The following GNB1 variants were observed in gnomAD, a reference collection of about 807,000 sequenced individuals.
GNB1 encodes guanine nucleotide-binding protein G(I)/G(S)/G(T) subunit beta-1.
A neutral mutation model predicts 42.9 loss-of-function variants in GNB1; 2 were observed. That is an observed-to-expected ratio of 0.05 (90% CI 0.02 to 0.15). GNB1 has a LOEUF of 0.15. Among genes scored for constraint, GNB1 ranks in the 10% least tolerant of loss-of-function variants. The probability of loss-of-function intolerance (pLI) is 1.00; values close to 1 mark genes in which losing one functional copy is unlikely to be tolerated. For missense variants in GNB1, 193 were observed against 462.2 expected (o/e 0.42, Z 5.34); for synonymous variants, 183 against 174.7 (o/e 1.05, Z -0.38).
At chr1:1,813,412 G>A (rs1294407463) in intron 5 of GNB1, among the ~76,000 whole-genome samples, 1 of 151,902 alleles carries the variant, frequency 6.6e-6, no homozygotes, top group Admixed American at 6.6e-5. Flanking sequence ...CATCCAGCCA[G>A]AACATTTTTT....
At chr1:1,878,605 C>T (rs1361511654) in intron 1 of GNB1, among the ~76,000 whole-genome samples, 1 of 152,176 alleles carries the variant, frequency 6.6e-6, no homozygotes, top group Non-Finnish European at 1.5e-5. Context: ...TTTTTCAGCA[C>T]ACAGCCTTTT....
intron 2 of GNB1, among the ~76,000 whole-genome samples, chr1:1,828,873 GTACACACACACATACACACA>G (rs1337122967): frequency 6.8e-6 from 1 of 147,114 alleles, no homozygotes; most frequent in Non-Finnish European, 1.5e-5. Flanking sequence ...AAAACGCTGT[GTACACACACACATACACACA>G]TACACACACA....
At chr1:1,807,744 G>A (rs575353674) in intron 5 of GNB1, among the ~76,000 whole-genome samples, 15 of 150,478 alleles carry the variant, frequency 1.0e-4, no homozygotes, top group African/African-American at 2.7e-4. Flanking sequence ...GTCTCGCTCC[G>A]TGGCCCAGGC....
chr1:1,860,535 G>C (rs1278390287), intron 1 of GNB1, among the ~76,000 whole-genome samples: 1 of 152,012 alleles, frequency 6.6e-6, no homozygotes, highest in Non-Finnish European at 1.5e-5. Context: ...TACCTGGGAG[G>C]CTGAGGCAGG....
chr1:1,849,940 T>C (rs566931517), intron 1 of GNB1, among the ~76,000 whole-genome samples: 1 of 152,262 alleles, frequency 6.6e-6, no homozygotes, highest in South Asian at 2.1e-4. Flanking sequence ...TCTGTATATT[T>C]GACAGTTTGC....
chr1:1,795,712 C>T (rs997685163), intron 7 of GNB1, among the ~76,000 whole-genome samples: 7 of 151,776 alleles, frequency 4.6e-5, no homozygotes, highest in African/African-American at 1.5e-4. Context: ...GAGTTCACAG[C>T]GGTGCACTCC....
chr1:1,851,979 A>G (rs922330890), intron 1 of GNB1, among the ~76,000 whole-genome samples: 1 of 151,584 alleles, frequency 6.6e-6, no homozygotes, highest in Non-Finnish European at 1.5e-5. Context: ...GGAGGCAGAG[A>G]TTGCGGTGAG....
chr1:1,816,878 C>A (rs181782996), intron 4 of GNB1, among the ~76,000 whole-genome samples: 10 of 152,132 alleles, frequency 6.6e-5, no homozygotes, highest in African/African-American at 2.2e-4. Context: ...GAACTCCTGA[C>A]CTCAAGTGAT....
chr1:1,815,687 C>G (rs1570659651), intron 5 of GNB1, 69 bp downstream of exon 5: 2 of 853,396 alleles, frequency 2.3e-6, no homozygotes, highest in East Asian at 5.0e-5. Context: ...GGTTCAGGTA[C>G]TTTTCCCCTA....
At chr1:1,812,492 A>T (rs1300477240) in intron 5 of GNB1, among the ~76,000 whole-genome samples, 1 of 152,124 alleles carries the variant, frequency 6.6e-6, no homozygotes, top group Non-Finnish European at 1.5e-5. Flanking sequence ...CCAGAAAAAA[A>T]CGGCTATTTA....
At position 1,790,643 on chromosome 1, in the gene GNB1, G is replaced by A; in HGVS notation, c.498-47C>T. On this transcript the variant is annotated intron_variant, in intron 8 of 11. Coordinates refer to ENST00000378609, the MANE Select transcript of GNB1 (RefSeq NM_002074.5). The surrounding 1 kb of genome is among the most constrained non-coding windows in gnomAD (Gnocchi z 5.4). ...AGGGGACATCAGCCTTAACTTCTTG[G>A]GTGGCTAGTCATGTGACAGACAATC... is the stretch of plus-strand genomic sequence containing the variant. 7.5e-7 allele frequency: 1 copy of A among 1,341,956 alleles called. No individual in the cohort carries two copies. Among genetic ancestry groups the A allele is most frequent in the Non-Finnish European group, 1.1e-6 (1 of 938,956 alleles). 83.1% of individuals were successfully genotyped at this position (1,341,956 alleles called of 1,614,324 possible). A position where few individuals can be genotyped will look rare whatever the true frequency, so the allele number is the denominator to read the frequency against.
intron 1 of GNB1, among the ~76,000 whole-genome samples, chr1:1,874,463 C>T (rs535128967): frequency 5.9e-5 from 9 of 151,790 alleles, no homozygotes; most frequent in Non-Finnish European, 1.0e-4. Context: ...CAGAGAAAGC[C>T]GGGCGTGGCG....
At position 1,808,628 on chromosome 1, in the gene GNB1, TTTTG is replaced by T. The variant is rs370619224; in HGVS notation, c.204-2094_204-2091del. 1.3e-3 allele frequency among the ~76,000 whole-genome samples: 193 copies of T among 144,808 alleles called. 1 individual carries two copies. Among genetic ancestry groups the T allele is most frequent in the African/African-American group, 4.4e-3 (172 of 38,676 alleles). The allele number at this position is 144,808 out of a possible 152,430, so 95.0% of individuals were successfully genotyped here. A position where few individuals can be genotyped will look rare whatever the true frequency, so the allele number is the denominator to read the frequency against. Reference sequence around the variant, plus strand: ...TAAAGTTTCTATCAAACGCAAGGTTTTTTGTTTGTTTGTTTTTGTTTGTTTGTTT... The same window carrying T: ...TAAAGTTTCTATCAAACGCAAGGTTTTTTGTTTGTTTTTGTTTGTTTGTTT... On this transcript the variant is annotated intron_variant, in intron 5 of 11. Coordinates refer to ENST00000378609, the MANE Select transcript of GNB1 (RefSeq NM_002074.5).
chr1:1,818,660 C>T (rs1454824798), intron 3 of GNB1, among the ~76,000 whole-genome samples: 2 of 152,044 alleles, frequency 1.3e-5, no homozygotes, highest in African/African-American at 2.4e-5. Context: ...GTCAGGAGTT[C>T]AAGACCAGCC....
At chr1:1,868,441 A>G (rs1221473231) in intron 1 of GNB1, among the ~76,000 whole-genome samples, 1 of 152,134 alleles carries the variant, frequency 6.6e-6, no homozygotes, top group Non-Finnish European at 1.5e-5. Context: ...AAGCGCTGGG[A>G]TTACAAGCAT....
At chr1:1,848,783 A>C (rs1352022546) in intron 1 of GNB1, among the ~76,000 whole-genome samples, 1 of 152,200 alleles carries the variant, frequency 6.6e-6, no homozygotes, top group Non-Finnish European at 1.5e-5. Context: ...TAGCACTCCT[A>C]ATCCCTGTGT....
rs115179165 is a variant in GNB1, at chr1:1,806,103, A to T, written c.267+372T>A. 5.8e-3 allele frequency among the ~76,000 whole-genome samples: 881 copies of T among 152,302 alleles called. 12 individuals are homozygous for T. The highest frequency in any genetic ancestry group is 0.02 in the African/African-American group (841 of 41,560). ...TTTAAAGTATGATGTCTTTCAGATG[A>T]TCTCTTCTAAAAACTTGTAACTGAA... On this transcript the variant is annotated intron_variant, in intron 6 of 11. Coordinates refer to ENST00000378609, the MANE Select transcript of GNB1 (RefSeq NM_002074.5).
At chr1:1,809,600 C>T (rs1179081853) in intron 5 of GNB1, among the ~76,000 whole-genome samples, 1 of 152,166 alleles carries the variant, frequency 6.6e-6, no homozygotes, top group African/African-American at 2.4e-5. Context: ...AGTATCAGAG[C>T]TGATCTAAAG....
intron 2 of GNB1, among the ~76,000 whole-genome samples, chr1:1,830,192 G>A (rs1287250471): frequency 6.6e-6 from 1 of 151,982 alleles, no homozygotes; most frequent in Non-Finnish European, 1.5e-5. Context: ...AGTTAACAGA[G>A]GCTAATCTGG....
Sources: allele counts gnomAD v4.1 joint callset (sites outside exome capture counted in the v4.1 genomes callset), GRCh38; gene constraint gnomAD v4.1.1; non-coding constraint Gnocchi (gnomAD v3.1); transcripts MANE v1.5; gene names NCBI Gene and HGNC (gene_info 2026-07-23, HGNC 2026-07-21).